Variants in NRXN3 observed in about 807,000 individuals in gnomAD.
NRXN3 encodes neurexin 3, also known as neurexin III.
Under a neutral mutation model 137.6 loss-of-function variants are expected in NRXN3, and 32 were observed. That is an observed-to-expected ratio of 0.23 (90% CI 0.18 to 0.31). The LOEUF (loss-of-function observed/expected upper bound fraction) is 0.31. Ranked by LOEUF, NRXN3 falls within the 10% of genes least tolerant of loss-of-function variation. The probability of loss-of-function intolerance (pLI) is 1.00; values close to 1 mark genes in which losing one functional copy is unlikely to be tolerated. For missense variants in NRXN3, 1,574 were observed against 2,062.5 expected (o/e 0.76, Z 4.59); for synonymous variants, 798 against 784.5 (o/e 1.02, Z -0.29).
At chr14:79,261,601 C>CCG (rs35393194) in intron 15 of NRXN3, among the ~76,000 whole-genome samples, 46 of 59,212 alleles carry the variant, frequency 7.8e-4, no homozygotes, top group Middle Eastern at 0.013. Flanking sequence ...AAGAAAGGTG[C>CCG]TGTGTGTGTG....
At chr14:78,917,799 A>T (rs1214936860) in intron 10 of NRXN3, among the ~76,000 whole-genome samples, 2 of 152,096 alleles carry the variant, frequency 1.3e-5, no homozygotes, top group African/African-American at 4.8e-5. Flanking sequence ...CAGAAACCTA[A>T]GTGTGAAAAC....
At chr14:79,493,081 A>G (rs2096732881) in intron 16 of NRXN3, among the ~76,000 whole-genome samples, 1 of 152,216 alleles carries the variant, frequency 6.6e-6, no homozygotes, top group Non-Finnish European at 1.5e-5. Flanking sequence ...CACATGAGGA[A>G]TCGACATTAA....
chr14:78,549,477 T>G (rs1252570267), intron 4 of NRXN3, among the ~76,000 whole-genome samples: 1 of 152,204 alleles, frequency 6.6e-6, no homozygotes. Flanking sequence ...TGTGTGAATC[T>G]TGATCACCAA....
At chr14:79,623,900 G>A (rs2098253140) in intron 16 of NRXN3, among the ~76,000 whole-genome samples, 1 of 106,092 alleles carries the variant, frequency 9.4e-6, no homozygotes, top group Non-Finnish European at 1.8e-5. Context: ...ATATTAGAAT[G>A]TTTCAGTTTT....
intron 15 of NRXN3, among the ~76,000 whole-genome samples, chr14:79,009,791 G>T (rs1016975051): frequency 2.6e-5 from 4 of 152,100 alleles, no homozygotes; most frequent in Admixed American, 2.6e-4. Flanking sequence ...CTGCAGACAG[G>T]TGACCAGTTC....
chr14:79,754,884 C>A (rs1045541619), intron 19 of NRXN3, among the ~76,000 whole-genome samples: 1 of 152,094 alleles, frequency 6.6e-6, no homozygotes, highest in South Asian at 2.1e-4. Context: ...GGCTCTTCCC[C>A]CTTCGCTCTG....
intron 15 of NRXN3, among the ~76,000 whole-genome samples, chr14:79,224,000 C>T (rs1490205973): frequency 6.6e-6 from 1 of 151,674 alleles, no homozygotes; most frequent in East Asian, 1.9e-4. Flanking sequence ...TTATTTTATT[C>T]TCAGGTGGAA....
At chr14:79,589,038 T>C (rs750616203) in intron 16 of NRXN3, among the ~76,000 whole-genome samples, 4 of 152,176 alleles carry the variant, frequency 2.6e-5, no homozygotes, top group African/African-American at 4.8e-5. Context: ...GAGGATCCCT[T>C]GAGCCCAGGA....
chr14:79,162,277 T>A (rs1403810131), intron 15 of NRXN3, among the ~76,000 whole-genome samples: 2 of 148,372 alleles, frequency 1.3e-5, no homozygotes, highest in African/African-American at 2.5e-5. Flanking sequence ...TATCTCCCAA[T>A]GCTATCCCGC....
At chr14:78,372,829 GTTCCTC>G (rs2153620109) in intron 4 of NRXN3, among the ~76,000 whole-genome samples, 1 of 152,284 alleles carries the variant, frequency 6.6e-6, no homozygotes, top group Non-Finnish European at 1.5e-5. Context: ...TCATTAAAGA[GTTCCTC>G]TTCCTCTTGA....
At chr14:78,177,528 A>T (rs903171569) in intron 1 of NRXN3, among the ~76,000 whole-genome samples, 1 of 152,062 alleles carries the variant, frequency 6.6e-6, no homozygotes, top group African/African-American at 2.4e-5. Flanking sequence ...GTGTGGGGAG[A>T]CAGTGTCTGT....
rs545603950 is a variant in NRXN3, at chr14:79,512,151, G to A, written c.3444+44749G>A. 1.4e-4 allele frequency among the ~76,000 whole-genome samples: 21 copies of A among 152,204 alleles called. No homozygotes were observed. The South Asian group carries it at 1.5e-3, about 11-fold the overall frequency. On this transcript the variant is annotated intron_variant, in intron 16 of 20. Transcript: ENST00000335750. ...TGACCTCAGGTGATCTGCCTGACTC[G>A]GCCTCCCAAAGGGCTGAAATTACAG...
intron 16 of NRXN3, among the ~76,000 whole-genome samples, chr14:79,608,798 A>G (rs888723680): frequency 2.6e-5 from 4 of 151,984 alleles, no homozygotes; most frequent in South Asian, 2.1e-4. Flanking sequence ...TTTTTCCTGC[A>G]TATACTTAAA....
At chr14:78,459,855 A>G (rs928033498) in intron 4 of NRXN3, among the ~76,000 whole-genome samples, 1 of 152,162 alleles carries the variant, frequency 6.6e-6, no homozygotes, top group Non-Finnish European at 1.5e-5. Context: ...CTCTAATTAA[A>G]TCAGATTCTG....
At position 78,493,523 on chromosome 14, in the gene NRXN3, CAAATAAATAAATAAAT is replaced by C. The variant is rs144261455; in HGVS notation, c.758-151569_758-151554del. On this transcript the variant is annotated intron_variant, in intron 4 of 20. Coordinates refer to ENST00000335750, the MANE Select transcript of NRXN3 (RefSeq NM_001330195.2). ...AGGCAACAATCGTGAAACTCCATCT[CAAATAAATAAATAAAT>C]AAATAAATAAATAAATAAATAAATA... Among the ~76,000 whole-genome samples, 187 of 139,230 alleles carry C rather than the reference CAAATAAATAAATAAAT, an allele frequency of 1.3e-3. 1 individual carries two copies. Among genetic ancestry groups the C allele is most frequent in the Non-Finnish European group, 1.7e-3 (113 of 64,950 alleles). 91.3% of individuals were successfully genotyped at this position (139,230 alleles called of 152,430 possible).
At chr14:78,914,884 C>T (rs755035758) in intron 10 of NRXN3, among the ~76,000 whole-genome samples, 13 of 151,858 alleles carry the variant, frequency 8.6e-5, no homozygotes, top group Non-Finnish European at 1.5e-4. Context: ...GAGTGGTTGA[C>T]ACAAAACAAG....
intron 15 of NRXN3, among the ~76,000 whole-genome samples, chr14:79,459,223 C>T (rs1472115272): frequency 6.6e-6 from 1 of 152,052 alleles, no homozygotes; most frequent in African/African-American, 2.4e-5. Context: ...CTGTTATGAG[C>T]TGAATTATGT....
At chr14:79,443,052 T>C (rs2095994040) in intron 15 of NRXN3, among the ~76,000 whole-genome samples, 1 of 152,224 alleles carries the variant, frequency 6.6e-6, no homozygotes, top group South Asian at 2.1e-4. Flanking sequence ...ACAGACAACT[T>C]GGTGATAGTC....
In NRXN3 at chr14:79,130,977, C is replaced by G. The variant is rs200191845; in HGVS notation, c.3262+142836C>G. Among the ~76,000 whole-genome samples the G allele has an allele frequency of 1.2e-3, 185 of 152,306 alleles. 4 individuals carry two copies. The East Asian group carries it at 0.033, about 27-fold the overall frequency. On this transcript the variant is annotated intron_variant, in intron 15 of 20. Transcript: ENST00000335750. Reference sequence around the variant, plus strand: ...TTCTTCCAGTTGATCGCATCGGCTCCTGAGGCTTCTGCATTCTTCACGTAG... The same window carrying G: ...TTCTTCCAGTTGATCGCATCGGCTCGTGAGGCTTCTGCATTCTTCACGTAG...
Sources: allele counts gnomAD v4.1 joint callset (sites outside exome capture counted in the v4.1 genomes callset), GRCh38; gene constraint gnomAD v4.1.1; transcripts MANE v1.5; gene names NCBI Gene and HGNC (gene_info 2026-07-23, HGNC 2026-07-21).